The following APLF variants were observed in gnomAD, a reference collection of about 807,000 sequenced individuals.
The protein encoded by APLF is aprataxin and PNK-like factor.
Under a neutral mutation model 55.6 loss-of-function variants are expected in APLF, and 61 were observed. The observed-to-expected ratio is 1.10, with a 90% CI of 0.89 to 1.36. APLF has a LOEUF of 1.36. APLF is among the 40% of genes most tolerant of loss of function. APLF has a pLI of 0.00. For missense variants in APLF, 611 were observed against 602.5 expected, an observed-to-expected ratio of 1.01 and a Z score of -0.15; for synonymous variants, 207 against 214.8, an observed-to-expected ratio of 0.96 and a Z score of 0.32.
chr2:68,572,135 A>T (rs1671487147), intron 9 of APLF, among the ~76,000 whole-genome samples: 1 of 152,146 alleles, frequency 6.6e-6, no homozygotes, highest in African/African-American at 2.4e-5. Flanking sequence ...AAATTCTATA[A>T]ACTGCTGCTT....
rs1356910191 is a variant in APLF, at chr2:68,529,653, CAGA to C, written c.804+3412_804+3414del. 2.3e-5 allele frequency: 4 copies of C among 175,216 alleles called. No individual in the cohort carries two copies. The highest frequency in any genetic ancestry group is 4.5e-5 in the Non-Finnish European group (4 of 87,928). 10.9% of individuals were successfully genotyped at this position (175,216 alleles called of 1,614,324 possible). ...CAGCGAGGGTGCCTGCAAGAGGAGT[CAGA>C]GGGCAAAGGGTGAGACCCTTCCACC... On this transcript the variant is annotated intron_variant, in intron 6 of 9. Transcript: ENST00000303795. This position sits in a 1 kb window ranked among gnomAD's most constrained non-coding sequence, Gnocchi z 4.4.
At chr2:68,564,491 A>G (rs1671244913) in intron 8 of APLF, among the ~76,000 whole-genome samples, 1 of 152,116 alleles carries the variant, frequency 6.6e-6, no homozygotes, top group South Asian at 2.1e-4. Flanking sequence ...AAGGCCTGGC[A>G]TGTAATAAGT....
intron 8 of APLF, among the ~76,000 whole-genome samples, chr2:68,565,529 A>G (rs1671283927): frequency 1.3e-5 from 2 of 151,884 alleles, no homozygotes; most frequent in African/African-American, 4.8e-5. Context: ...ATACATACAT[A>G]CATACATACA....
chr2:68,544,024 C>A (rs1455751358), intron 7 of APLF, among the ~76,000 whole-genome samples: 1 of 149,446 alleles, frequency 6.7e-6, no homozygotes, highest in Non-Finnish European at 1.5e-5. Context: ...CTCTGTCACC[C>A]AGGCTGGAGT....
At chr2:68,570,479 T>C (rs915340499) in intron 9 of APLF, among the ~76,000 whole-genome samples, 1 of 150,934 alleles carries the variant, frequency 6.6e-6, no homozygotes, top group Non-Finnish European at 1.5e-5. Context: ...GTGTGTGATG[T>C]TCCCCTTCCC....
chr2:68,528,217 C>T (rs957896757), intron 6 of APLF: 59 of 1,053,394 alleles, frequency 5.6e-5, no homozygotes, highest in Non-Finnish European at 7.9e-5. Context: ...TGCTGGATTA[C>T]AGGCGTGGGC....
At chr2:68,472,236 C>T (rs1229473778) in intron 1 of APLF, among the ~76,000 whole-genome samples, 1 of 152,066 alleles carries the variant, frequency 6.6e-6, no homozygotes, top group Non-Finnish European at 1.5e-5. Flanking sequence ...AATTGATTAT[C>T]TCCTGGATCT....
chr2:68,550,317 C>T (rs192174476), intron 8 of APLF, among the ~76,000 whole-genome samples: 5 of 152,120 alleles, frequency 3.3e-5, no homozygotes, highest in Admixed American at 2.6e-4. Flanking sequence ...CTGCAATCTC[C>T]GCCTTCCAGG....
rs189983146 is a variant in APLF, at chr2:68,540,771, C to G, written c.1160+2544C>G. 5.6e-3 allele frequency among the ~76,000 whole-genome samples: 833 copies of G among 148,402 alleles called. 4 individuals are homozygous for G. Among genetic ancestry groups the G allele is most frequent in the African/African-American group, 0.02 (796 of 40,006 alleles). On this transcript the variant is annotated intron_variant, in intron 7 of 9. Transcript: ENST00000303795. ...AATCCCAATAGGGTGTATGTGCATG[C>G]GTGTGTGTGTGTGTGTATGTGTGTG... is the stretch of plus-strand genomic sequence containing the variant.
At chr2:68,518,818 A>G (rs1273976931) in intron 5 of APLF, among the ~76,000 whole-genome samples, 4 of 126,042 alleles carry the variant, frequency 3.2e-5, no homozygotes, top group Admixed American at 8.8e-5. Flanking sequence ...ATAATAAAAT[A>G]TTAGTAATAT....
chr2:68,576,147 A>G (rs1671614564), intron 9 of APLF, among the ~76,000 whole-genome samples: 1 of 152,172 alleles, frequency 6.6e-6, no homozygotes, highest in African/African-American at 2.4e-5. Context: ...TTGAGATATC[A>G]TTAGGACATG....
intron 1 of APLF, among the ~76,000 whole-genome samples, chr2:68,482,795 G>A (rs1486005972): frequency 6.6e-6 from 1 of 152,116 alleles, no homozygotes; most frequent in Non-Finnish European, 1.5e-5. Flanking sequence ...CAATGATTAG[G>A]CCAGTTTGGT....
intron 1 of APLF, among the ~76,000 whole-genome samples, chr2:68,474,254 C>T (rs192162771): frequency 1.2e-4 from 18 of 152,288 alleles, no homozygotes; most frequent in Admixed American, 1.0e-3. Flanking sequence ...ATGGAGTCAT[C>T]GTTATTTAGT....
At chr2:68,499,008 T>C (rs777370699) in intron 2 of APLF, among the ~76,000 whole-genome samples, 2 of 150,672 alleles carry the variant, frequency 1.3e-5, no homozygotes, top group South Asian at 2.1e-4. Flanking sequence ...CCTCAACTTA[T>C]TTTGTTAAAA....
intron 9 of APLF, chr2:68,568,205 C>A (rs1033032657): frequency 1.1e-6 from 1 of 887,296 alleles, no homozygotes; most frequent in African/African-American, 1.8e-5. Flanking sequence ...TTAATAAAAT[C>A]TGGCTTTTTC....
intron 8 of APLF, among the ~76,000 whole-genome samples, chr2:68,564,099 G>A (rs971506948): frequency 2.0e-5 from 3 of 151,770 alleles, no homozygotes; most frequent in African/African-American, 4.8e-5. Context: ...ATCTTTCTCC[G>A]TTCCTGATGC....
intron 6 of APLF, among the ~76,000 whole-genome samples, chr2:68,526,707 A>G (rs1225655201): frequency 1.3e-5 from 2 of 152,198 alleles, no homozygotes; most frequent in Non-Finnish European, 2.9e-5. Flanking sequence ...ACATCGTTTC[A>G]GGACGGAGTC....
chr2:68,543,849 T>C (rs1670623548), intron 7 of APLF, among the ~76,000 whole-genome samples: 1 of 152,196 alleles, frequency 6.6e-6, no homozygotes, highest in African/African-American at 2.4e-5. Flanking sequence ...TACTAGTATA[T>C]ATTTTCATTT....
At position 68,529,669 on chromosome 2, in the gene APLF, A is replaced by C. The variant is rs538462891; in HGVS notation, c.804+3427A>C. 1 of 160,546 alleles carries C rather than the reference A, an allele frequency of 6.2e-6. No individual in the cohort carries two copies. Among genetic ancestry groups the C allele is most frequent in the Non-Finnish European group, 1.3e-5 (1 of 75,070 alleles). 9.9% of individuals were successfully genotyped at this position (160,546 alleles called of 1,614,324 possible). A position where few individuals can be genotyped will look rare whatever the true frequency, so the allele number is the denominator to read the frequency against. Reference sequence around the variant, plus strand: ...AAGAGGAGTCAGAGGGCAAAGGGTGAGACCCTTCCACCGGTCCAGCTGGAC... The same window carrying C: ...AAGAGGAGTCAGAGGGCAAAGGGTGCGACCCTTCCACCGGTCCAGCTGGAC... On this transcript the variant is annotated intron_variant, in intron 6 of 9. Coordinates refer to ENST00000303795, the MANE Select transcript of APLF (RefSeq NM_173545.3). The surrounding 1 kb of genome is among the most constrained non-coding windows in gnomAD (Gnocchi z 4.4).
Sources: gnomAD v4.1 joint callset for allele counts (sites outside exome capture counted in the v4.1 genomes callset) on GRCh38, gnomAD v4.1.1 for gene constraint, Gnocchi (gnomAD v3.1) non-coding constraint, MANE v1.5 for transcripts, NCBI Gene and HGNC (gene_info 2026-07-23, HGNC 2026-07-21) for gene names.